Variants in HIVEP3 observed in about 807,000 individuals in gnomAD.
The protein encoded by HIVEP3 is transcription factor HIVEP3.
HIVEP3 carries 49 observed loss-of-function variants against 152.8 expected under a neutral mutation model. The observed-to-expected ratio is 0.32, with a 90% CI of 0.26 to 0.41. HIVEP3 has a LOEUF of 0.41. Ranked by LOEUF, HIVEP3 falls within the 10% of genes least tolerant of loss-of-function variation. The pLI, the probability that HIVEP3 is intolerant of heterozygous loss-of-function variation, is 1.00. For missense variants in HIVEP3, 2,790 were observed against 3,103.3 expected, an observed-to-expected ratio of 0.90 and a Z score of 2.40; for synonymous variants, 1,269 against 1,289.0, an observed-to-expected ratio of 0.98 and a Z score of 0.33.
At chr1:41,929,047 CTT>C (rs1644982575) in intron 1 of HIVEP3, among the ~76,000 whole-genome samples, 1 of 152,090 alleles carries the variant, frequency 6.6e-6, no homozygotes, top group South Asian at 2.1e-4. Context: ...GTCTCAAATA[CTT>C]TGAGACTATG....
chr1:41,580,689 C>T lies in HIVEP3; in HGVS notation c.4109G>A (p.Gly1370Asp), dbSNP rs367699839. 1.9e-6 allele frequency: 3 copies of T among 1,610,112 alleles called. No individual in the cohort carries two copies. The highest frequency in any genetic ancestry group is 1.7e-6 in the Non-Finnish European group (2 of 1,177,956). The change falls in exon 4 of 9, where the codon GGT becomes GAT. Residue 1370 changes from glycine to aspartate, a missense_variant. Transcript: ENST00000372583. ...GGGCCCAACCTCATGCACATCTGCA[C>T]CACATACAGTCGTCCCCTTTGATGG... ...EPPSKGTTVC[G>D]ADVHEVGPGP...
At chr1:41,942,677 A>T (rs534304971) in intron 1 of HIVEP3, among the ~76,000 whole-genome samples, 42 of 152,360 alleles carry the variant, frequency 2.8e-4, no homozygotes, top group African/African-American at 8.4e-4. Flanking sequence ...TTGTAATAGT[A>T]AATAAATGAA....
In HIVEP3 at chr1:41,562,601, TTCTCTCTCTC is replaced by T. The variant is rs72509109; in HGVS notation, c.5207+12933_5207+12942del. 6.1e-4 allele frequency among the ~76,000 whole-genome samples: 77 copies of T among 126,242 alleles called. 1 individual carries two copies. Among genetic ancestry groups the T allele is most frequent in the Middle Eastern group, 4.5e-3 (1 of 224 alleles). 82.8% of individuals were successfully genotyped at this position (126,242 alleles called of 152,430 possible). The stretch of plus-strand genomic sequence containing the variant: ...TTCCTTCCTTCCTTCCTTCCTTTCT[TTCTCTCTCTC>T]TCTCTCTCTCTCTCTCTCTCTCCCT... On this transcript the variant is annotated intron_variant, in intron 5 of 8. Coordinates refer to ENST00000372583, the MANE Select transcript of HIVEP3 (RefSeq NM_024503.5).
At chr1:42,030,252 C>T (rs934404882) in intron 1 of HIVEP3, among the ~76,000 whole-genome samples, 2 of 152,104 alleles carry the variant, frequency 1.3e-5, no homozygotes, top group African/African-American at 4.8e-5. Flanking sequence ...GATTATTTTG[C>T]GATTTTTCTT....
chr1:41,796,474 C>T (rs925920324), intron 1 of HIVEP3, among the ~76,000 whole-genome samples: 3 of 152,202 alleles, frequency 2.0e-5, no homozygotes, highest in East Asian at 1.9e-4. Flanking sequence ...ATTCTTTTTC[C>T]GTAAAATGAG....
At chr1:41,913,591 C>T (rs72671292) in intron 1 of HIVEP3, among the ~76,000 whole-genome samples, 1 of 152,116 alleles carries the variant, frequency 6.6e-6, no homozygotes, top group Non-Finnish European at 1.5e-5. Flanking sequence ...AAGACAGGGT[C>T]TTGCTATGTC....
chr1:41,857,765 A>G (rs1643808327), intron 1 of HIVEP3, among the ~76,000 whole-genome samples: 1 of 152,136 alleles, frequency 6.6e-6, no homozygotes, highest in African/African-American at 2.4e-5. Context: ...TAGGGGTGAG[A>G]CTCAAGCCCA....
intron 1 of HIVEP3, among the ~76,000 whole-genome samples, chr1:41,897,789 T>C (rs1644553817): frequency 6.6e-6 from 1 of 151,966 alleles, no homozygotes; most frequent in Non-Finnish European, 1.5e-5. Context: ...CGTGTGGTCA[T>C]GGAGAGAATC....
At chr1:41,597,285 G>C (rs879837764) in intron 3 of HIVEP3, among the ~76,000 whole-genome samples, 1 of 152,136 alleles carries the variant, frequency 6.6e-6, no homozygotes, top group Non-Finnish European at 1.5e-5. Context: ...CATCCCCATA[G>C]AAAGCAAAAA....
At chr1:41,805,765 C>T (rs542251459) in intron 1 of HIVEP3, among the ~76,000 whole-genome samples, 36 of 152,258 alleles carry the variant, frequency 2.4e-4, no homozygotes, top group African/African-American at 6.7e-4. Flanking sequence ...TATGAATGGA[C>T]GGGAAGGAGA....
intron 1 of HIVEP3, among the ~76,000 whole-genome samples, chr1:41,909,323 T>C (rs1163407549): frequency 5.3e-5 from 8 of 152,128 alleles, no homozygotes; most frequent in Admixed American, 1.3e-4. Context: ...CAAAATGAAG[T>C]TGGTAGACCT....
intron 5 of HIVEP3, among the ~76,000 whole-genome samples, chr1:41,568,254 G>A (rs1298437870): frequency 6.6e-6 from 1 of 152,214 alleles, no homozygotes; most frequent in Non-Finnish European, 1.5e-5. Flanking sequence ...ATTCATCGTG[G>A]GTAGTGTGGG....
intron 1 of HIVEP3, among the ~76,000 whole-genome samples, chr1:41,933,168 A>G (rs1388275603): frequency 6.6e-6 from 1 of 152,070 alleles, no homozygotes; most frequent in Non-Finnish European, 1.5e-5. Context: ...ATAAATATCA[A>G]CTGGGTCAAG....
chr1:41,822,963 T>C (rs1213290617), intron 1 of HIVEP3, among the ~76,000 whole-genome samples: 1 of 152,214 alleles, frequency 6.6e-6, no homozygotes, highest in Admixed American at 6.5e-5. Flanking sequence ...GCCCCACAAA[T>C]TCATATGTTG....
At chr1:41,617,322 C>A (rs1254627769) in intron 3 of HIVEP3, among the ~76,000 whole-genome samples, 2 of 152,080 alleles carry the variant, frequency 1.3e-5, no homozygotes, top group African/African-American at 4.8e-5. Context: ...GTTAAAATAC[C>A]TATGGGGCCT....
chr1:41,762,289 T>G (rs1647742645), intron 1 of HIVEP3, among the ~76,000 whole-genome samples: 1 of 152,184 alleles, frequency 6.6e-6, no homozygotes, highest in South Asian at 2.1e-4. Flanking sequence ...ACCCTTCAAC[T>G]GTCAGTGTAA....
chr1:41,568,885 G>A (rs542867898), intron 5 of HIVEP3, among the ~76,000 whole-genome samples: 1 of 152,326 alleles, frequency 6.6e-6, no homozygotes, highest in South Asian at 2.1e-4. Flanking sequence ...CAGTAATGGA[G>A]ATGGGGCCTG....
In HIVEP3 at chr1:41,580,042, C is replaced by T. The variant is rs771618421; in HGVS notation, c.4756G>A (p.Gly1586Ser). 2.5e-6 allele frequency: 4 copies of T among 1,614,174 alleles called. No individual in the cohort carries two copies. Among genetic ancestry groups the T allele is most frequent in the East Asian group, 4.5e-5 (2 of 44,882 alleles). The change falls in exon 4 of 9, where the codon GGT (glycine) becomes AGT (serine). Residue 1586 changes from glycine (G) to serine (S), a missense_variant. Physicochemically the swap from Gly to Ser is moderately conservative, Grantham distance 56. This residue lies in a region of HIVEP3 where 1,078 missense variants were observed against 1,165.3 expected (regional missense o/e 0.93). Coordinates refer to ENST00000372583, the MANE Select transcript of HIVEP3 (RefSeq NM_024503.5). ...TGCAGTACCTTCTTTGAGTCCGTAC[C>T]TTCTTGTGACTTGGCTGGTCTGGAG... Reference protein sequence around the residue: ...TSSRPAKSQEGTDSKKVLQFP... With the variant: ...TSSRPAKSQESTDSKKVLQFP...
chr1:41,702,721 C>T (rs1444226411), intron 1 of HIVEP3, among the ~76,000 whole-genome samples: 2 of 152,226 alleles, frequency 1.3e-5, no homozygotes, highest in East Asian at 1.9e-4. Flanking sequence ...TGTCTCCCCA[C>T]AGAGTCTAGC....
Sources: allele counts gnomAD v4.1 joint callset (sites outside exome capture counted in the v4.1 genomes callset), GRCh38; gene constraint gnomAD v4.1.1; regional missense constraint gnomAD v4.1.1; transcripts MANE v1.5; gene names NCBI Gene and HGNC (gene_info 2026-07-23, HGNC 2026-07-21).